RIC3: variants seen among roughly 807,000 people sequenced by gnomAD.
The protein encoded by RIC3 is protein RIC-3.
RIC3 carries 28 observed loss-of-function variants against 27.3 expected under a neutral mutation model. That is an observed-to-expected ratio of 1.02 (90% CI 0.76 to 1.41). The LOEUF is 1.41. RIC3 is among the 40% of genes most tolerant of loss of function. The pLI is 0.00. For synonymous variants in RIC3, 184 were observed against 160.4 expected (o/e 1.15, Z -1.11); for missense variants, 501 against 444.7 (o/e 1.13, Z -1.14).
chr11:8,140,419 GACC>G (rs1186400117), intron 1 of RIC3, among the ~76,000 whole-genome samples: 1 of 152,014 alleles, frequency 6.6e-6, no homozygotes, highest in Non-Finnish European at 1.5e-5. Context: ...TCCTTAGCTG[GACC>G]ACATTTTTCA....
At chr11:8,166,736 G>C (rs1317516652) in intron 1 of RIC3, among the ~76,000 whole-genome samples, 1 of 152,046 alleles carries the variant, frequency 6.6e-6, no homozygotes, top group Non-Finnish European at 1.5e-5. Flanking sequence ...TTTTTAATTA[G>C]CCAGGCATGG....
At position 8,111,041 on chromosome 11, in the gene RIC3, A is replaced by G; in HGVS notation, c.767T>C (p.Leu256Pro). The G allele has an allele frequency of 1.7e-5, 27 of 1,614,172 alleles. No homozygotes were observed. Among genetic ancestry groups the G allele is most frequent in the Non-Finnish European group, 2.3e-5 (27 of 1,180,012 alleles). The change falls in exon 6 of 6, where the codon CTT (leucine) becomes CCT (proline). Residue 256 changes from leucine (L) to proline (P), a missense_variant. Transcript: ENST00000309737. ...ILVDYPDPKE[L>P]SAEEIAERMG... ...TCTTTCAGCTATTTCTTCAGCAGAA[A>G]GTTCTTTTGGGTCAGGGTAATCCAC...
chr11:8,137,484 C>G lies in RIC3; in HGVS notation c.428-13G>C. On this transcript the variant is annotated splice_polypyrimidine_tract_variant and intron_variant, in intron 3 of 5. Coordinates refer to ENST00000309737, the MANE Select transcript of RIC3 (RefSeq NM_001206671.4). ...AGCTCAAAACTGGCTAAAAAATAAG[C>G]AACAATCTAAGAACCATCAGAGACA... 3 of 1,610,372 alleles carry G rather than the reference C, an allele frequency of 1.9e-6. 1 individual carries two copies. The highest frequency in any genetic ancestry group is 2.5e-6 in the Non-Finnish European group (3 of 1,177,324).
the RIC3 span, among the ~76,000 whole-genome samples, chr11:8,099,521 C>T: frequency 8.5e-5 from 13 of 152,160 alleles, no homozygotes; most frequent in South Asian, 2.1e-4. Context: ...GGGAGGCAGC[C>T]TGAGTCTTCA....
chr11:8,153,262 G>A (rs1950393559), intron 1 of RIC3: 1 of 331,454 alleles, frequency 3.0e-6, no homozygotes, highest in Admixed American at 4.5e-5. Flanking sequence ...ACTTAACAAT[G>A]TGACAGACAC....
At chr11:8,144,432 CTCA>C (rs1949438053) in intron 1 of RIC3, among the ~76,000 whole-genome samples, 1 of 148,384 alleles carries the variant, frequency 6.7e-6, no homozygotes, top group Non-Finnish European at 1.5e-5. Context: ...TGAAAAAATG[CTCA>C]TCATCACTGG....
At chr11:8,098,381 G>A in the RIC3 span, among the ~76,000 whole-genome samples, 3 of 152,156 alleles carry the variant, frequency 2.0e-5, no homozygotes, top group South Asian at 4.1e-4. Flanking sequence ...GGCTGGCTGC[G>A]ACAGAGGAGA....
intron 1 of RIC3, among the ~76,000 whole-genome samples, 180 bp downstream of exon 1, chr11:8,168,686 C>G (rs1010699981): frequency 1.4e-4 from 21 of 152,358 alleles, no homozygotes; most frequent in Middle Eastern, 3.4e-3. Context: ...GGGCCGCCAC[C>G]CGCTGATAAC....
the RIC3 span, chr11:8,094,281 A>G: frequency 6.9e-7 from 1 of 1,448,144 alleles, no homozygotes. Flanking sequence ...GAGGGGAGGG[A>G]TAGGATGAAC....
intron 5 of RIC3, among the ~76,000 whole-genome samples, chr11:8,115,019 A>G (rs1044405353): frequency 3.9e-5 from 6 of 152,312 alleles, no homozygotes; most frequent in African/African-American, 7.2e-5. Flanking sequence ...ACAAAGGGAT[A>G]GAAAGCTTAA....
the RIC3 span, chr11:8,098,960 C>A: frequency 3.0e-6 from 3 of 987,018 alleles, no homozygotes; most frequent in Non-Finnish European, 4.8e-6. Flanking sequence ...CTATCCCATC[C>A]ATCTTAGTGG....
rs751043863 is a variant in RIC3, at chr11:8,152,929, ATGAG to A, written c.125-12740_125-12737del. Among the ~76,000 whole-genome samples, 11 of 152,294 alleles carry A rather than the reference ATGAG, an allele frequency of 7.2e-5. No individual in the cohort carries two copies. In the South Asian group the frequency reaches 2.1e-3, roughly 29 times the overall value. ...ATAGGACTGTCTTTATATAGAGTTG[ATGAG>A]TGAGTAACAGGAGAAAGAAAGAAAA... On this transcript the variant is annotated intron_variant, in intron 1 of 5. Coordinates refer to ENST00000309737, the MANE Select transcript of RIC3 (RefSeq NM_001206671.4).
At chr11:8,101,856 G>GATTTGGCGT, downstream of RIC3, 1 of 482,862 alleles carries the variant, frequency 2.1e-6, no homozygotes, top group South Asian at 3.7e-5. Flanking sequence ...TTCTTTCCAT[G>GATTTGGCGT]CCACGAGATC....
chr11:8,166,151 G>A (rs1398672243), intron 1 of RIC3, among the ~76,000 whole-genome samples: 2 of 152,122 alleles, frequency 1.3e-5, no homozygotes, highest in East Asian at 1.9e-4. Flanking sequence ...ATTGTTCCCT[G>A]CGCAGACTTG....
intron 1 of RIC3, among the ~76,000 whole-genome samples, chr11:8,151,838 C>A (rs150650317): frequency 0.023 from 3,442 of 151,240 alleles, 59 homozygotes; most frequent in Middle Eastern, 0.037. Context: ...ATCGCTTGAA[C>A]CCAGGAGACA....
At chr11:8,101,445 G>A, downstream of RIC3, 1 of 1,608,370 alleles carries the variant, frequency 6.2e-7, no homozygotes, top group Non-Finnish European at 8.5e-7. Flanking sequence ...TACCATTCCT[G>A]TCCTGTCCTT....
At chr11:8,159,327 G>A (rs1393180805) in intron 1 of RIC3, among the ~76,000 whole-genome samples, 1 of 152,204 alleles carries the variant, frequency 6.6e-6, no homozygotes, top group East Asian at 1.9e-4. Flanking sequence ...AGCCAGTGTG[G>A]CCACAACAAA....
At chr11:8,149,148 G>C (rs1014518840) in intron 1 of RIC3, among the ~76,000 whole-genome samples, 1 of 151,458 alleles carries the variant, frequency 6.6e-6, no homozygotes, top group East Asian at 1.9e-4. Flanking sequence ...TGCCAAGATC[G>C]CACCACTGCA....
At chr11:8,122,849 A>C (rs1028424425) in intron 5 of RIC3, among the ~76,000 whole-genome samples, 2 of 147,252 alleles carry the variant, frequency 1.4e-5, no homozygotes, top group Non-Finnish European at 3.0e-5. Flanking sequence ...ATCCAATCAA[A>C]ACCTACCAGG....
Sources: gnomAD v4.1 joint callset for allele counts (sites outside exome capture counted in the v4.1 genomes callset) on GRCh38, gnomAD v4.1.1 for gene constraint, MANE v1.5 for transcripts, NCBI Gene and HGNC (gene_info 2026-07-23, HGNC 2026-07-21) for gene names.